The following CEP170 variants were observed in gnomAD, a reference collection of about 807,000 sequenced individuals.
CEP170 encodes the protein centrosomal protein of 170 kDa.
CEP170 carries 21 observed loss-of-function variants against 151.9 expected under a neutral mutation model. The ratio of observed to expected loss-of-function variants is 0.14; its 90% confidence interval spans 0.10 to 0.20. CEP170 has a LOEUF of 0.20. CEP170 is among the 10% of genes least tolerant of loss of function. The pLI is 1.00. For synonymous variants in CEP170, 356 were observed against 648.8 expected, an observed-to-expected ratio of 0.55 and a Z score of 6.86; for missense variants, 964 against 1,892.9, an observed-to-expected ratio of 0.51 and a Z score of 9.11.
At chr1:243,249,618 T>G (rs2065752274) in intron 1 of CEP170, among the ~76,000 whole-genome samples, 1 of 152,106 alleles carries the variant, frequency 6.6e-6, no homozygotes, top group Non-Finnish European at 1.5e-5. Flanking sequence ...AAAACAAATG[T>G]AAAACAGCAG....
intron 3 of CEP170, among the ~76,000 whole-genome samples, chr1:243,219,205 ATCC>A (rs1218924744): frequency 6.6e-6 from 1 of 152,226 alleles, no homozygotes; most frequent in Non-Finnish European, 1.5e-5. Context: ...GTTACATTTA[ATCC>A]TCATAACAAT....
chr1:243,142,207 T>C (rs1381049416), intron 15 of CEP170, 109 bp downstream of exon 15: 6 of 1,575,322 alleles, frequency 3.8e-6, no homozygotes, highest in Non-Finnish European at 5.1e-6. Context: ...CAGAGCTTCA[T>C]GCAAACAGGG....
intron 17 of CEP170, among the ~76,000 whole-genome samples, chr1:243,132,932 A>G (rs1332055038): frequency 6.6e-6 from 1 of 152,202 alleles, no homozygotes; most frequent in Non-Finnish European, 1.5e-5. Context: ...ACATGACCAT[A>G]CAAGACTCTC....
At chr1:243,134,223 ATG>A (rs2148222473) in intron 17 of CEP170, among the ~76,000 whole-genome samples, 1 of 152,324 alleles carries the variant, frequency 6.6e-6, no homozygotes, top group South Asian at 2.1e-4. Context: ...ATGATATAGA[ATG>A]TAAATTTCAT....
chr1:243,250,327 G>A (rs769496921), intron 1 of CEP170, among the ~76,000 whole-genome samples: 1 of 152,204 alleles, frequency 6.6e-6, no homozygotes, highest in Non-Finnish European at 1.5e-5. Flanking sequence ...TCCCTTGGAT[G>A]ACAGAATCAT....
intron 7 of CEP170, among the ~76,000 whole-genome samples, chr1:243,192,736 T>G (rs1339441728): frequency 2.0e-5 from 3 of 152,236 alleles, no homozygotes; most frequent in Non-Finnish European, 2.9e-5. Flanking sequence ...GTACTATAAT[T>G]GGTTTCTTGA....
At chr1:243,139,033 C>T (rs2055479900) in intron 16 of CEP170, among the ~76,000 whole-genome samples, 1 of 152,080 alleles carries the variant, frequency 6.6e-6, no homozygotes, top group Admixed American at 6.6e-5. Flanking sequence ...GTAGTCTTGA[C>T]ATGCGTTTCT....
chr1:243,171,823 G>T (rs1326952710), intron 11 of CEP170, among the ~76,000 whole-genome samples: 2 of 152,118 alleles, frequency 1.3e-5, no homozygotes, highest in Non-Finnish European at 1.5e-5. Context: ...TGAGAAAACA[G>T]AAGATAAGGG....
rs150332901 is a variant in CEP170 at position 243,247,215 on chromosome 1, T to C, written c.-42+7825A>G. 8.0e-3 allele frequency among the ~76,000 whole-genome samples: 1,213 copies of C among 152,276 alleles called. 16 individuals carry two copies. The highest frequency in any genetic ancestry group is 0.027 in the African/African-American group (1,137 of 41,548). On this transcript the variant is annotated intron_variant, in intron 1 of 19. Coordinates refer to ENST00000366542, the MANE Select transcript of CEP170 (RefSeq NM_014812.3). ...GTTAAAAGAAGAAAGTCTTCCTGGCTGGCCTAGGGAAAAAAAAAGTAAGGA... is the reference window on the plus strand; with the variant it reads ...GTTAAAAGAAGAAAGTCTTCCTGGCCGGCCTAGGGAAAAAAAAAGTAAGGA...
intron 1 of CEP170, among the ~76,000 whole-genome samples, chr1:243,241,580 A>G (rs12736882): frequency 0.11 from 16,071 of 152,194 alleles, 1,177 homozygotes; most frequent in Non-Finnish European, 0.16. Context: ...ACTTGTGGTC[A>G]GGAGTTTGAG....
intron 13 of CEP170, among the ~76,000 whole-genome samples, chr1:243,163,864 G>A (rs911683422): frequency 1.3e-5 from 2 of 152,170 alleles, no homozygotes; most frequent in African/African-American, 4.8e-5. Flanking sequence ...AAGTTCTTAA[G>A]GGCTTTGAAT....
chr1:243,146,367 C>T (rs1308528997), intron 14 of CEP170, among the ~76,000 whole-genome samples: 7 of 152,156 alleles, frequency 4.6e-5, no homozygotes, highest in Admixed American at 3.3e-4. Context: ...GACCCCTCTC[C>T]TTCCCAATTC....
intron 3 of CEP170, among the ~76,000 whole-genome samples, chr1:243,216,608 G>C (rs1291413150): frequency 1.3e-5 from 2 of 152,102 alleles, no homozygotes; most frequent in Admixed American, 1.3e-4. Flanking sequence ...TGCATAAATA[G>C]CTCTTTGTAA....
intron 1 of CEP170, among the ~76,000 whole-genome samples, chr1:243,232,395 G>A (rs552362356): frequency 6.6e-6 from 1 of 152,264 alleles, no homozygotes; most frequent in East Asian, 1.9e-4. Flanking sequence ...GTATGAGAAA[G>A]TACAAAACTA....
chr1:243,226,916 G>A (rs1230624904), intron 1 of CEP170, among the ~76,000 whole-genome samples: 2 of 152,200 alleles, frequency 1.3e-5, no homozygotes, highest in Non-Finnish European at 2.9e-5. Context: ...TTGAACCCGG[G>A]AGGCAGAAGT....
At chr1:243,246,027 G>A (rs1391318003) in intron 1 of CEP170, among the ~76,000 whole-genome samples, 2 of 152,040 alleles carry the variant, frequency 1.3e-5, no homozygotes, top group Non-Finnish European at 2.9e-5. Flanking sequence ...GAAACACACA[G>A]TTTCATATGC....
intron 6 of CEP170, among the ~76,000 whole-genome samples, 176 bp downstream of exon 6, chr1:243,200,342 T>C (rs1002717140): frequency 6.6e-6 from 1 of 152,122 alleles, no homozygotes; most frequent in Non-Finnish European, 1.5e-5. Context: ...CTGCTATATA[T>C]AATTATGTGT....
At chr1:243,152,262 C>A (rs1301651626) in intron 14 of CEP170, among the ~76,000 whole-genome samples, 1 of 150,828 alleles carries the variant, frequency 6.6e-6, no homozygotes, top group Non-Finnish European at 1.5e-5. Context: ...CGCTCTGTCG[C>A]CCAGGCTGGA....
At chr1:243,149,550 CTT>C (rs1266577151) in intron 14 of CEP170, among the ~76,000 whole-genome samples, 1 of 152,150 alleles carries the variant, frequency 6.6e-6, no homozygotes, top group Non-Finnish European at 1.5e-5. Flanking sequence ...AGGGCCTAGA[CTT>C]GAGATATTAT....
Sources: allele counts gnomAD v4.1 joint callset (sites outside exome capture counted in the v4.1 genomes callset), GRCh38; gene constraint gnomAD v4.1.1; transcripts MANE v1.5; gene names NCBI Gene and HGNC (gene_info 2026-07-23, HGNC 2026-07-21).